Variants in KNDC1 observed in about 807,000 individuals in gnomAD.
KNDC1 encodes the protein kinase non-catalytic C-lobe domain containing 1, also known as kinase non-catalytic C-lobe domain-containing protein 1.
Under a neutral mutation model 172.8 loss-of-function variants are expected in KNDC1, and 106 were observed. The ratio of observed to expected loss-of-function variants is 0.61; its 90% CI spans 0.52 to 0.72. The LOEUF is 0.72. Ranked by LOEUF, KNDC1 falls within the 30% of genes least tolerant of loss-of-function variation. The probability of loss-of-function intolerance (pLI) is 0.00; values close to 1 mark genes in which losing one functional copy is unlikely to be tolerated. For synonymous variants in KNDC1, 1,083 were observed against 1,062.2 expected, an observed-to-expected ratio of 1.02 and a Z score of -0.38; for missense variants, 2,325 against 2,394.5, an observed-to-expected ratio of 0.97 and a Z score of 0.61.
intron 1 of KNDC1, among the ~76,000 whole-genome samples, chr10:133,162,867 G>A (rs1853021584): frequency 2.0e-5 from 3 of 152,240 alleles, no homozygotes. Flanking sequence ...AGAGACACGT[G>A]GCCGTGCGTG....
In KNDC1 at chr10:133,212,715, G is replaced by A; in HGVS notation, c.4237-1G>A. ...CCCTCAGTGCCCGGCCTGCCCTGCAGAGCTTCCCCTGGAGGCTGCCCCGAG... is the reference window on the plus strand; with the variant it reads ...CCCTCAGTGCCCGGCCTGCCCTGCAAAGCTTCCCCTGGAGGCTGCCCCGAG... On this transcript the variant is annotated splice_acceptor_variant, in intron 23 of 29. Transcript: ENST00000304613. LOFTEE classifies it high-confidence loss of function. The A allele has an allele frequency of 1.9e-6, 3 of 1,612,144 alleles. No individual in the cohort carries two copies. The highest frequency in any genetic ancestry group is 2.5e-6 in the Non-Finnish European group (3 of 1,179,520).
intron 4 of KNDC1, 34 bp downstream of exon 4, chr10:133,183,524 T>C: frequency 6.4e-7 from 1 of 1,571,152 alleles, no homozygotes; most frequent in Non-Finnish European, 8.6e-7. Flanking sequence ...CCCCAGGCTG[T>C]GACCCTGACC....
At position 133,218,958 on chromosome 10, in the gene KNDC1, GT is replaced by G; in HGVS notation, c.4800+6del. 1 of 1,613,690 alleles carries G rather than the reference GT, an allele frequency of 6.2e-7. No individual in the cohort carries two copies. Among genetic ancestry groups the G allele is most frequent in the East Asian group, 2.2e-5 (1 of 44,884 alleles). ...CTGGCCGTGAGGCAGTCCCCTGTGC[GT>G]CCCCCTCGGGCCCCAAGGCGGGGGT... is the stretch of plus-strand genomic sequence containing the variant. On this transcript the variant is annotated splice_donor_region_variant and intron_variant, in intron 27 of 29. Transcript: ENST00000304613.
chr10:133,219,072 G>A lies in KNDC1; in HGVS notation c.4842G>A (p.Glu1614=), dbSNP rs766724816. Reference sequence around the variant, plus strand: ...CTGCAAAGATAGCAGAGGTCATGGAGGAGCTGAAAGCCGTGGAGGTACCAG... The same window carrying A: ...CTGCAAAGATAGCAGAGGTCATGGAAGAGCTGAAAGCCGTGGAGGTACCAG... ...ILPAKIAEVM[E]ELKAVEVFLK... The change falls in exon 28 of 30, where the codon GAG becomes GAA. Residue 1614 remains glutamate, a synonymous_variant. Transcript: ENST00000304613. The A allele has an allele frequency of 2.4e-5, 39 of 1,613,850 alleles. No individual in the cohort carries two copies. The highest frequency in any genetic ancestry group is 2.9e-5 in the Non-Finnish European group (34 of 1,179,976).
At chr10:133,192,615 G>T (rs1267567480) in intron 9 of KNDC1, among the ~76,000 whole-genome samples, 5 of 151,978 alleles carry the variant, frequency 3.3e-5, no homozygotes, top group African/African-American at 2.4e-5. Context: ...GAATAGAAAA[G>T]AAAAAGAAAA....
chr10:133,202,806 A>G, intron 17 of KNDC1: 1 of 383,650 alleles, frequency 2.6e-6, no homozygotes, highest in South Asian at 1.9e-5. Context: ...GGGCCACGTG[A>G]AAGACCCGCA....
At chr10:133,180,828 G>A (rs766404747) in intron 3 of KNDC1, among the ~76,000 whole-genome samples, 3 of 152,264 alleles carry the variant, frequency 2.0e-5, no homozygotes, top group South Asian at 2.1e-4. Flanking sequence ...TTAAAACTGC[G>A]AGTAGATACG....
intron 3 of KNDC1, among the ~76,000 whole-genome samples, chr10:133,176,072 G>A (rs1170832434): frequency 2.0e-5 from 3 of 151,758 alleles, no homozygotes; most frequent in Non-Finnish European, 2.9e-5. Flanking sequence ...GTGGATAGGT[G>A]GATGGATGGA....
chr10:133,172,350 A>C (rs1213529168), intron 3 of KNDC1, among the ~76,000 whole-genome samples: 1 of 152,148 alleles, frequency 6.6e-6, no homozygotes, highest in Non-Finnish European at 1.5e-5. Context: ...ATTTTTTCTT[A>C]AGATTTTCAT....
At chr10:133,172,373 A>G (rs1156580163) in intron 3 of KNDC1, among the ~76,000 whole-genome samples, 1 of 152,128 alleles carries the variant, frequency 6.6e-6, no homozygotes, top group Non-Finnish European at 1.5e-5. Flanking sequence ...TCACATCTTT[A>G]TTTTCTTATA....
chr10:133,218,278 G>A (rs569114093), intron 26 of KNDC1, among the ~76,000 whole-genome samples: 9 of 152,370 alleles, frequency 5.9e-5, no homozygotes, highest in African/African-American at 1.9e-4. Flanking sequence ...ATCCTGCTGG[G>A]TGAGGCATTC....
chr10:133,167,768 C>T (rs1380926065), intron 2 of KNDC1, among the ~76,000 whole-genome samples, 189 bp downstream of exon 2: 2 of 152,184 alleles, frequency 1.3e-5, no homozygotes, highest in Non-Finnish European at 2.9e-5. Flanking sequence ...GTGGGGGTGC[C>T]TGCTGTGCCA....
intron 9 of KNDC1, among the ~76,000 whole-genome samples, chr10:133,190,278 A>C (rs28530606): frequency 7.4e-6 from 1 of 135,774 alleles, no homozygotes; most frequent in Non-Finnish European, 1.5e-5. Flanking sequence ...ACACCCTGCA[A>C]TAAGCACCCT....
chr10:133,213,738 G>C lies in KNDC1; in HGVS notation c.4526+11G>C, dbSNP rs766980973. On this transcript the variant is annotated intron_variant, in intron 25 of 29. Coordinates refer to ENST00000304613, the MANE Select transcript of KNDC1 (RefSeq NM_152643.8). The stretch of plus-strand genomic sequence containing the variant: ...CACTGCCATCCCCAAGTGAGCGTCC[G>C]GGACCCTCAGCTGGGAGCGGTGGTG... 2 of 1,612,648 alleles carry C rather than the reference G, an allele frequency of 1.2e-6. No individual in the cohort carries two copies. The highest frequency in any genetic ancestry group is 3.3e-5 in the Admixed American group (2 of 59,984).
chr10:133,217,025 T>G, intron 26 of KNDC1, among the ~76,000 whole-genome samples: 1 of 151,584 alleles, frequency 6.6e-6, no homozygotes, highest in African/African-American at 2.4e-5. Context: ...GGGCTGGGAG[T>G]GGGGCACGGG....
chr10:133,193,826 A>G (rs1300556653), intron 9 of KNDC1, among the ~76,000 whole-genome samples: 1 of 152,238 alleles, frequency 6.6e-6, no homozygotes, highest in Non-Finnish European at 1.5e-5. Flanking sequence ...ACCAGAGATA[A>G]AGAGGGACAT....
At position 133,186,421 on chromosome 10, in the gene KNDC1, A is replaced by C. The variant is rs767665898; in HGVS notation, c.1073A>C (p.Gln358Pro). The C allele has an allele frequency of 2.5e-5, 41 of 1,612,620 alleles. No homozygotes were observed. Among genetic ancestry groups the C allele is most frequent in the Non-Finnish European group, 3.3e-5 (39 of 1,179,920 alleles). ...RKNGLSSFQAQPKCRLWPEQE... is the reference protein window; with the variant it reads ...RKNGLSSFQAPPKCRLWPEQE... The stretch of plus-strand genomic sequence containing the variant: ...AATGGCCTTTCTAGCTTCCAGGCTC[A>C]GCCCAAATGCAGGCTGTGGCCGGAG... Residue 358 changes from glutamine to proline, a missense_variant, in exon 6 of 30, where the codon CAG becomes CCG. Physicochemically the swap from Gln to Pro is moderately conservative, Grantham distance 76. Transcript: ENST00000304613.
Position 133,189,649 on chromosome 10 carries a change from T to A in KNDC1, c.1493T>A (p.Phe498Tyr), listed in dbSNP as rs1273163379. ...GTTGCTGAGGACGGGGCTGTGCTCTTCCAGCCACCCCCTGCCAACGGTGAG... is the reference window on the plus strand; with the variant it reads ...GTTGCTGAGGACGGGGCTGTGCTCTACCAGCCACCCCCTGCCAACGGTGAG... ...VLVAEDGAVL[F>Y]QPPPANGSYD... is the part of the protein sequence containing the mutation. Residue 498 changes from phenylalanine (F) to tyrosine (Y), a missense_variant, in exon 8 of 30, where the codon TTC (phenylalanine) becomes TAC (tyrosine). Physicochemically the swap from Phe to Tyr is conservative, Grantham distance 22 (BLOSUM62 3). Transcript: ENST00000304613. 2.5e-6 allele frequency: 4 copies of A among 1,613,872 alleles called. No individual in the cohort carries two copies. The highest frequency in any genetic ancestry group is 3.4e-6 in the Non-Finnish European group (4 of 1,179,974).
At chr10:133,193,537 A>G (rs906699180) in intron 9 of KNDC1, among the ~76,000 whole-genome samples, 2 of 152,142 alleles carry the variant, frequency 1.3e-5, no homozygotes, top group African/African-American at 4.8e-5. Context: ...TAAATAAATA[A>G]AGGAGGAAGA....
Sources: allele counts gnomAD v4.1 joint callset (sites outside exome capture counted in the v4.1 genomes callset), GRCh38; gene constraint gnomAD v4.1.1; transcripts MANE v1.5; gene names NCBI Gene and HGNC (gene_info 2026-07-23, HGNC 2026-07-21).